The following SIPA1L3 variants were observed in gnomAD, a reference collection of about 807,000 sequenced individuals.
The protein encoded by SIPA1L3 is signal-induced proliferation-associated 1-like protein 3.
Under a neutral mutation model 150.1 loss-of-function variants are expected in SIPA1L3, and 59 were observed. The observed-to-expected ratio is 0.39, with a 90% CI of 0.32 to 0.49. SIPA1L3 has a LOEUF of 0.49. SIPA1L3 is among the 20% of genes least tolerant of loss of function. The pLI is 0.86. For missense variants in SIPA1L3, 2,211 were observed against 2,489.5 expected (o/e 0.89, Z 2.38); for synonymous variants, 1,070 against 1,077.6 (o/e 0.99, Z 0.14).
chr19:38,201,962 G>C lies in SIPA1L3; in HGVS notation c.5085G>C (p.Arg1695Ser). 1 of 1,613,586 alleles carries C rather than the reference G, an allele frequency of 6.2e-7. No individual in the cohort carries two copies. Among genetic ancestry groups the C allele is most frequent in the Middle Eastern group, 1.7e-4 (1 of 6,060 alleles). ...SPVHSHLSLE[R>S]GPPTPRTTPT... ...TCCACAGCCACCTGAGCCTGGAGAG[G>C]GGACCCCCGACCCCCAGGACCACCC... The change falls in exon 20 of 22, where the codon AGG (arginine) becomes AGC (serine). Residue 1695 changes from arginine to serine, a missense_variant. Physicochemically the swap from Arg to Ser is moderately radical, Grantham distance 110. This residue lies in a region of SIPA1L3 where 806 missense variants were observed against 870.1 expected (regional missense o/e 0.93). Coordinates refer to ENST00000222345, the MANE Select transcript of SIPA1L3 (RefSeq NM_015073.3).
Position 38,100,136 on chromosome 19 carries a change from C to G in SIPA1L3, c.1840C>G (p.Leu614Val). The G allele has an allele frequency of 6.3e-7, 1 of 1,586,908 alleles. No individual in the cohort carries two copies. The highest frequency in any genetic ancestry group is 8.6e-7 in the Non-Finnish European group (1 of 1,168,198). Residue 614 changes from leucine to valine, a missense_variant, in exon 5 of 22, where the codon CTC becomes GTC. Around this residue, in one of 5 missense-constraint regions of SIPA1L3, gnomAD observed 625 missense variants for 804.2 expected, o/e 0.78. Coordinates refer to ENST00000222345, the MANE Select transcript of SIPA1L3 (RefSeq NM_015073.3). ...CAAGGTGACGGAGCAACTGCTGAAG[C>G]TCGATGAGCAAGGGGTGAGTCAGGG... Reference protein sequence around the residue: ...TPKVTEQLLKLDEQGLCRKHK... With the variant: ...TPKVTEQLLKVDEQGLCRKHK...
chr19:38,114,864 G>A (rs1970846772), intron 8 of SIPA1L3, among the ~76,000 whole-genome samples: 1 of 152,192 alleles, frequency 6.6e-6, no homozygotes, highest in Non-Finnish European at 1.5e-5. Flanking sequence ...GGGTCGCGCA[G>A]TAGCTCCCAC....
chr19:38,124,280 T>C (rs1600103408), intron 9 of SIPA1L3, among the ~76,000 whole-genome samples: 1 of 134,100 alleles, frequency 7.5e-6, no homozygotes, highest in African/African-American at 2.9e-5. Flanking sequence ...TCCTCACTTC[T>C]CAGACGGGGC....
At chr19:38,007,913 A>G (rs1448972256) in intron 1 of SIPA1L3, among the ~76,000 whole-genome samples, 1 of 152,002 alleles carries the variant, frequency 6.6e-6, no homozygotes, top group Non-Finnish European at 1.5e-5. Flanking sequence ...CTGATGTTCT[A>G]TATTTGCTTT....
intron 2 of SIPA1L3, among the ~76,000 whole-genome samples, chr19:38,069,160 T>C (rs1376373478): frequency 6.6e-6 from 1 of 151,984 alleles, no homozygotes; most frequent in Non-Finnish European, 1.5e-5. Context: ...ATATCAAGGG[T>C]GCATGTACAT....
chr19:37,992,551 T>C (rs1967535375), intron 1 of SIPA1L3, among the ~76,000 whole-genome samples: 1 of 151,998 alleles, frequency 6.6e-6, no homozygotes, highest in African/African-American at 2.4e-5. Flanking sequence ...CATGGGAGGC[T>C]GAGGCACGAG....
intron 2 of SIPA1L3, among the ~76,000 whole-genome samples, chr19:38,057,272 T>C (rs1012889382): frequency 7.3e-6 from 1 of 136,458 alleles, no homozygotes; most frequent in African/African-American, 3.2e-5. Flanking sequence ...AGACTCCATC[T>C]CAAATATATA....
At chr19:37,920,201 G>A (rs1209394964) in intron 1 of SIPA1L3, among the ~76,000 whole-genome samples, 1 of 151,922 alleles carries the variant, frequency 6.6e-6, no homozygotes, top group Non-Finnish European at 1.5e-5. Context: ...TGGGACTACA[G>A]GTATGCACAA....
intron 18 of SIPA1L3, among the ~76,000 whole-genome samples, chr19:38,195,826 C>T (rs1359368784): frequency 7.0e-6 from 1 of 143,570 alleles, no homozygotes; most frequent in Admixed American, 6.9e-5. Flanking sequence ...CTCTCACCCC[C>T]CTCCGTCCCT....
intron 13 of SIPA1L3, among the ~76,000 whole-genome samples, chr19:38,153,459 C>T (rs1337574353): frequency 1.3e-5 from 2 of 151,968 alleles, no homozygotes; most frequent in African/African-American, 4.8e-5. Context: ...TACCTGAGGT[C>T]AGGAGTTTAA....
chr19:38,033,902 A>G (rs1055241377), intron 2 of SIPA1L3, among the ~76,000 whole-genome samples: 4 of 152,112 alleles, frequency 2.6e-5, no homozygotes, highest in African/African-American at 9.7e-5. Context: ...GCATCATGGT[A>G]TGTGCATTCG....
chr19:38,119,294 C>T lies in SIPA1L3; in HGVS notation c.2292-12C>T, dbSNP rs1278791619. The T allele has an allele frequency of 6.2e-7, 1 of 1,605,970 alleles. No homozygotes were observed. The highest frequency in any genetic ancestry group is 1.1e-5 in the South Asian group (1 of 90,218). ...TTTCTTCCCACCATCTAAATAATCT[C>T]TCCCTCCACAGTATGGCTGTGACCC... On this transcript the variant is annotated splice_polypyrimidine_tract_variant and intron_variant, in intron 8 of 21. Coordinates refer to ENST00000222345, the MANE Select transcript of SIPA1L3 (RefSeq NM_015073.3).
chr19:37,960,403 ATTT>A (rs60821140), intron 1 of SIPA1L3, among the ~76,000 whole-genome samples: 2 of 137,522 alleles, frequency 1.5e-5, no homozygotes, highest in Admixed American at 7.4e-5. Context: ...CACTCAGCTA[ATTT>A]TTTTTTTTTT....
chr19:38,126,541 C>CT (rs577099002), intron 9 of SIPA1L3, among the ~76,000 whole-genome samples: 7,500 of 146,822 alleles, frequency 0.051, 589 homozygotes, highest in African/African-American at 0.17. Context: ...CAAGACAATT[C>CT]TTTTTTTTTT....
intron 1 of SIPA1L3, among the ~76,000 whole-genome samples, chr19:37,979,251 T>C (rs1267027060): frequency 2.0e-5 from 3 of 151,982 alleles, no homozygotes; most frequent in Non-Finnish European, 4.4e-5. Context: ...CGTAAACCTA[T>C]ATGAAATTTA....
rs190555178 is a variant in SIPA1L3, at chr19:38,026,683, C to T, written c.-378-2406C>T. ...AAGCTGCTCCGCCTTTACCTTCTTT[C>T]GGGTCTCGTTGAGGGGTTCTTAATC... On this transcript the variant is annotated intron_variant, in intron 1 of 21. Transcript: ENST00000222345. Among the ~76,000 whole-genome samples, 7 of 152,288 alleles carry T rather than the reference C, an allele frequency of 4.6e-5. No individual in the cohort carries two copies. The East Asian group carries it at 5.8e-4, about 13-fold the overall frequency.
intron 1 of SIPA1L3, among the ~76,000 whole-genome samples, chr19:37,973,988 G>C (rs1432705121): frequency 6.6e-6 from 1 of 152,146 alleles, no homozygotes; most frequent in South Asian, 2.1e-4. Flanking sequence ...GGCAGCTCAG[G>C]CCTCCGGCAG....
At chr19:37,930,544 CT>C (rs1287949687) in intron 1 of SIPA1L3, among the ~76,000 whole-genome samples, 1 of 152,176 alleles carries the variant, frequency 6.6e-6, no homozygotes, top group Non-Finnish European at 1.5e-5. Context: ...CTTTTGCAGA[CT>C]GAAATTTCCT....
At position 38,100,091 on chromosome 19, in the gene SIPA1L3, C is replaced by T. The variant is rs556289355; in HGVS notation, c.1795C>T (p.Arg599Trp). 1.4e-5 allele frequency: 22 copies of T among 1,610,978 alleles called. No homozygotes were observed. Among genetic ancestry groups the T allele is most frequent in the Middle Eastern group, 1.6e-4 (1 of 6,078 alleles). ...VIPELNIHCL[R>W]LALNTPKVTE... Reference sequence around the variant, plus strand: ...CCCCGAGCTCAACATCCACTGCCTGCGGCTGGCCCTCAACACCCCCAAGGT... The same window carrying T: ...CCCCGAGCTCAACATCCACTGCCTGTGGCTGGCCCTCAACACCCCCAAGGT... The change falls in exon 5 of 22, where the codon CGG (arginine) becomes TGG (tryptophan). Residue 599 changes from arginine to tryptophan, a missense_variant. This residue lies in a region of SIPA1L3 where 625 missense variants were observed against 804.2 expected (regional missense o/e 0.78). Coordinates refer to ENST00000222345, the MANE Select transcript of SIPA1L3 (RefSeq NM_015073.3).
Sources: allele counts gnomAD v4.1 joint callset (sites outside exome capture counted in the v4.1 genomes callset), GRCh38; gene constraint gnomAD v4.1.1; regional missense constraint gnomAD v4.1.1; transcripts MANE v1.5; gene names NCBI Gene and HGNC (gene_info 2026-07-23, HGNC 2026-07-21).